Variants in ABCA9 observed in about 807,000 individuals in gnomAD.
ABCA9 encodes the protein ATP-binding cassette sub-family A member 9.
A neutral mutation model predicts 205.3 loss-of-function variants in ABCA9; 183 were observed. The ratio of observed to expected loss-of-function variants is 0.89; its 90% CI spans 0.79 to 1.01. The LOEUF (loss-of-function observed/expected upper bound fraction) is 1.01. ABCA9 is among the 50% of genes least tolerant of loss of function. The pLI is 0.00. For missense variants in ABCA9, 1,805 were observed against 1,912.4 expected (o/e 0.94, Z 1.05); for synonymous variants, 651 against 683.3 (o/e 0.95, Z 0.74).
chr17:68,990,762 A>C, intron 29 of ABCA9, 75 bp downstream of exon 29: 1 of 1,575,566 alleles, frequency 6.3e-7, no homozygotes, highest in Non-Finnish European at 8.6e-7. Context: ...GTTTTTCGAA[A>C]ACTAAACTTA....
Position 68,976,029 on chromosome 17 carries a change from G to GAAAT in ABCA9, c.4777-20_4777-17dup. 1 of 1,612,260 alleles carries GAAAT rather than the reference G, an allele frequency of 6.2e-7. No individual in the cohort carries two copies. Among genetic ancestry groups the GAAAT allele is most frequent in the East Asian group, 2.2e-5 (1 of 44,846 alleles). Reference sequence around the variant, plus strand: ...CCAGGAAAACCTAAAAGGAAGGAAAGAAATAAAGAGAGGAGAACAATGCCA... The same window carrying GAAAT: ...CCAGGAAAACCTAAAAGGAAGGAAAGAAATAAATAAAGAGAGGAGAACAATGCCA... On this transcript the variant is annotated splice_polypyrimidine_tract_variant and intron_variant, in intron 38 of 38. Transcript: ENST00000340001.
At chr17:68,992,884 T>C in intron 27 of ABCA9, 132 bp downstream of exon 27, 1 of 640,408 alleles carries the variant, frequency 1.6e-6, no homozygotes, top group East Asian at 2.9e-5. Flanking sequence ...CATGCATGCA[T>C]GTGCATGTGT....
intron 1 of ABCA9, among the ~76,000 whole-genome samples, chr17:69,059,065 G>A (rs892824589): frequency 1.3e-5 from 2 of 152,008 alleles, no homozygotes; most frequent in Non-Finnish European, 2.9e-5. Context: ...GAACAGCCCA[G>A]GAAAGACCTG....
At chr17:69,067,179 C>T in the ABCA9 span, among the ~76,000 whole-genome samples, 3 of 151,916 alleles carry the variant, frequency 2.0e-5, no homozygotes, top group Non-Finnish European at 4.4e-5. Context: ...AATATTTTTG[C>T]TATTTTTGTA....
chr17:69,036,871 CAAAAA>C (rs781565554), intron 6 of ABCA9, among the ~76,000 whole-genome samples: 6 of 4,710 alleles, frequency 1.3e-3, no homozygotes, highest in South Asian at 0.031. Flanking sequence ...AAATGGAAAG[CAAAAA>C]AAAAAAAAAA....
At position 69,056,078 on chromosome 17, in the gene ABCA9, A is replaced by T. The variant is rs887113132; in HGVS notation, c.-14+4788T>A. 1.3e-5 allele frequency among the ~76,000 whole-genome samples: 2 copies of T among 152,330 alleles called. 1 individual carries two copies. Among genetic ancestry groups the T allele is most frequent in the South Asian group, 4.1e-4 (2 of 4,830 alleles). ...TTAGTAAAGAAGAAAGATCTAAAGCAAACAATCTAAGCTTACACCTTAGGA... is the reference window on the plus strand; with the variant it reads ...TTAGTAAAGAAGAAAGATCTAAAGCTAACAATCTAAGCTTACACCTTAGGA... On this transcript the variant is annotated intron_variant, in intron 1 of 38. Coordinates refer to ENST00000340001, the MANE Select transcript of ABCA9 (RefSeq NM_080283.4).
In ABCA9 at chr17:68,989,072, T is replaced by C. The variant is rs2069349887; in HGVS notation, c.4002A>G (p.Thr1334=). The C allele has an allele frequency of 6.2e-7, 1 of 1,613,638 alleles. No homozygotes were observed. The highest frequency in any genetic ancestry group is 1.1e-5 in the South Asian group (1 of 91,058). The change falls in exon 31 of 39, where the codon ACA becomes ACG. Residue 1334 remains threonine, a synonymous_variant. Coordinates refer to ENST00000340001, the MANE Select transcript of ABCA9 (RefSeq NM_080283.4). The stretch of plus-strand genomic sequence containing the variant: ...TGTCTCCAGTTATCATCTTAATAGT[T>C]GTACTTTTACCAGCTCCATTGTGTC... The part of the protein sequence containing the change: ...LLGHNGAGKS[T]TIKMITGDTK...
chr17:69,018,573 C>T lies in ABCA9; in HGVS notation c.2607G>A (p.Leu869=), dbSNP rs775125590. The T allele has an allele frequency of 1.5e-5, 24 of 1,585,536 alleles. No individual in the cohort carries two copies. The highest frequency in any genetic ancestry group is 2.1e-5 in the Non-Finnish European group (24 of 1,170,062). Residue 869 remains leucine, a synonymous_variant, in exon 20 of 39, where the codon TTG becomes TTA. Coordinates refer to ENST00000340001, the MANE Select transcript of ABCA9 (RefSeq NM_080283.4). ...GAGGGATAAAGCTAATACCAAAAAG[C>T]AATAATCTATGCAGAGGAAAATGTA... The part of the protein sequence containing the change: ...KERKSLWTIL[L]LFGISFIPQL...
At chr17:69,026,932 T>C (rs1467811293) in intron 15 of ABCA9, 44 bp downstream of exon 15, 1 of 1,606,258 alleles carries the variant, frequency 6.2e-7, no homozygotes, top group Admixed American at 1.7e-5. Context: ...TTCCACACTG[T>C]CTCTAACCTC....
At chr17:68,994,554 A>C (rs1246122116) in intron 26 of ABCA9, among the ~76,000 whole-genome samples, 1 of 152,196 alleles carries the variant, frequency 6.6e-6, no homozygotes, top group African/African-American at 2.4e-5. Context: ...ACGTTCTGAA[A>C]TAGTTTTTCA....
intron 15 of ABCA9, 49 bp from the exon 16 acceptor site, chr17:69,026,516 T>C: frequency 2.1e-6 from 3 of 1,446,054 alleles, no homozygotes; most frequent in African/African-American, 1.4e-5. Flanking sequence ...CTTATTTCTT[T>C]ACTATTCACA....
chr17:69,010,638 A>G (rs750329051), intron 23 of ABCA9, among the ~76,000 whole-genome samples: 2 of 152,164 alleles, frequency 1.3e-5, no homozygotes, highest in Non-Finnish European at 2.9e-5. Context: ...CTCTGGTTGT[A>G]TGAAAGGAAT....
intron 25 of ABCA9, among the ~76,000 whole-genome samples, chr17:68,998,266 A>G (rs9896584): frequency 0.085 from 12,914 of 152,262 alleles, 1,808 homozygotes; most frequent in African/African-American, 0.29. Flanking sequence ...TGTGTGGACC[A>G]ACTAATATTT....
chr17:69,018,206 A>T, intron 20 of ABCA9: 1 of 473,188 alleles, frequency 2.1e-6, no homozygotes, highest in Non-Finnish European at 3.6e-6. Flanking sequence ...TGCAACAAAC[A>T]TTAAGGTTAA....
At chr17:69,004,513 A>G (rs1186351737) in intron 25 of ABCA9, among the ~76,000 whole-genome samples, 1 of 152,204 alleles carries the variant, frequency 6.6e-6, no homozygotes, top group East Asian at 1.9e-4. Context: ...TGCTTTCTTC[A>G]AAGCTGTCAG....
the ABCA9 span, among the ~76,000 whole-genome samples, chr17:69,078,356 G>A: frequency 2.0e-5 from 3 of 151,986 alleles, no homozygotes; most frequent in Admixed American, 1.3e-4. Flanking sequence ...AAATGCCAAC[G>A]CCCGGCTAAT....
Position 69,028,430 on chromosome 17 carries a change from G to C in ABCA9, c.1615+105C>G. On this transcript the variant is annotated intron_variant, in intron 12 of 38. Coordinates refer to ENST00000340001, the MANE Select transcript of ABCA9 (RefSeq NM_080283.4). ...TCCACCTGCCTCGGCTTCCCAAAGT[G>C]CTGGGATTACAGGTGTGAGCCACCG... 4.6e-6 allele frequency: 3 copies of C among 657,626 alleles called. No individual in the cohort carries two copies. The South Asian group carries it at 9.1e-5, about 20-fold the overall frequency. The allele number at this position is 657,626 out of a possible 1,614,324, so 40.7% of individuals were successfully genotyped here. A position where few individuals can be genotyped will look rare whatever the true frequency, so the allele number is the denominator to read the frequency against.
the ABCA9 span, among the ~76,000 whole-genome samples, chr17:69,070,522 C>A: frequency 1.3e-5 from 2 of 152,114 alleles, no homozygotes; most frequent in South Asian, 4.1e-4. Flanking sequence ...CCAAGGGAAG[C>A]GTGAGGGACT....
At chr17:69,006,725 A>T (rs1431739810) in intron 25 of ABCA9, among the ~76,000 whole-genome samples, 2 of 152,200 alleles carry the variant, frequency 1.3e-5, no homozygotes, top group Non-Finnish European at 2.9e-5. Flanking sequence ...GAAGTGCTCA[A>T]AAAAACTACC....
Sources: allele counts gnomAD v4.1 joint callset (sites outside exome capture counted in the v4.1 genomes callset), GRCh38; gene constraint gnomAD v4.1.1; transcripts MANE v1.5; gene names NCBI Gene and HGNC (gene_info 2026-07-23, HGNC 2026-07-21).